Variants in TIFA observed in about 807,000 individuals in gnomAD.
TIFA encodes the protein TRAF interacting protein with forkhead associated domain, also known as TRAF-interacting protein with FHA domain-containing protein A.
For synonymous variants in TIFA, 75 were observed against 79.2 expected (o/e 0.95, Z 0.28); for missense variants, 186 against 215.2 (o/e 0.86, Z 0.85).
chr4:112,282,903 C>T lies in TIFA; in HGVS notation c.-19+2737G>A, dbSNP rs190467611. 6.2e-4 allele frequency among the ~76,000 whole-genome samples: 94 copies of T among 152,186 alleles called. 1 individual carries two copies. Among genetic ancestry groups the T allele is most frequent in the Middle Eastern group, 3.4e-3 (1 of 294 alleles). On this transcript the variant is annotated intron_variant, in intron 1 of 1. Transcript: ENST00000361717. ...GTGGATAAAGGCAGGACGTTTTGTG[C>T]CCCCTTCTCCAAGCTAGCTTAGGAA...
Position 112,277,681 on chromosome 4 carries a change from ACAGGTGACTAAG to A in TIFA, c.*169_*180del. ...TAATTTTGTGTAGATCCAGAATACA[ACAGGTGACTAAG>A]TTAATGACTAACACAATTTACAGAC... On this transcript the variant is annotated 3_prime_UTR_variant, in exon 2 of 2. Coordinates refer to ENST00000361717, the MANE Select transcript of TIFA (RefSeq NM_052864.3). 2.5e-6 allele frequency: 1 copy of A among 396,590 alleles called. No individual in the cohort carries two copies. The highest frequency in any genetic ancestry group is 4.2e-6 in the Non-Finnish European group (1 of 239,332). 24.6% of individuals were successfully genotyped at this position (396,590 alleles called of 1,614,324 possible). A position where few individuals can be genotyped will look rare whatever the true frequency, so the allele number is the denominator to read the frequency against.
rs139584576 is a variant in TIFA, at chr4:112,281,188, T to C, written c.-18-2754A>G. On this transcript the variant is annotated intron_variant, in intron 1 of 1. Coordinates refer to ENST00000361717, the MANE Select transcript of TIFA (RefSeq NM_052864.3). ...CAGCTTTATTTACAATATGCTGCCA[T>C]CAATTTAGTTCATTCTTGGACTTCA... is the stretch of plus-strand genomic sequence containing the variant. Among the ~76,000 whole-genome samples the C allele has an allele frequency of 2.9e-3, 442 of 152,354 alleles. 1 individual carries two copies. The highest frequency in any genetic ancestry group is 0.01 in the African/African-American group (424 of 41,574).
chr4:112,284,449 G>A (rs933899110), intron 1 of TIFA, among the ~76,000 whole-genome samples: 2 of 152,166 alleles, frequency 1.3e-5, no homozygotes, highest in Admixed American at 6.5e-5. Flanking sequence ...GGACCCAGAT[G>A]TCTAAGCAGT....
In TIFA at chr4:112,285,768, G is replaced by A. The variant is rs1018443409; in HGVS notation, c.-147C>T. 5 of 152,330 alleles carry A rather than the reference G, an allele frequency of 3.3e-5. No homozygotes were observed. The highest frequency in any genetic ancestry group is 2.0e-4 in the Admixed American group (3 of 15,296). 9.4% of individuals were successfully genotyped at this position (152,330 alleles called of 1,614,324 possible). A position where few individuals can be genotyped will look rare whatever the true frequency, so the allele number is the denominator to read the frequency against. On this transcript the variant is annotated 5_prime_UTR_variant, in exon 1 of 2. Coordinates refer to ENST00000361717, the MANE Select transcript of TIFA (RefSeq NM_052864.3). ...CCGCTGCTCCTCCGCGCGGGTAAGT[G>A]TGAGCCCCGGGGTGCGGGGAACCGA... is the stretch of plus-strand genomic sequence containing the variant.
chr4:112,283,393 A>G (rs1727261405), intron 1 of TIFA, among the ~76,000 whole-genome samples: 1 of 152,172 alleles, frequency 6.6e-6, no homozygotes, highest in African/African-American at 2.4e-5. Flanking sequence ...TATAAATGTT[A>G]GCATGGACCT....
Position 112,277,561 on chromosome 4 carries a change from A to T in TIFA, c.*301T>A. 1 of 200,716 alleles carries T rather than the reference A, an allele frequency of 5.0e-6. No individual in the cohort carries two copies. Among genetic ancestry groups the T allele is most frequent in the Non-Finnish European group, 1.0e-5 (1 of 99,054 alleles). 12.4% of individuals were successfully genotyped at this position (200,716 alleles called of 1,614,324 possible). A position where few individuals can be genotyped will look rare whatever the true frequency, so the allele number is the denominator to read the frequency against. On this transcript the variant is annotated 3_prime_UTR_variant, in exon 2 of 2. Coordinates refer to ENST00000361717, the MANE Select transcript of TIFA (RefSeq NM_052864.3). ...ACACAAGATGAAAATCAAGCAGAAAAAGAAAATAATATAACCTTATTTTGA... is the reference window on the plus strand; with the variant it reads ...ACACAAGATGAAAATCAAGCAGAAATAGAAAATAATATAACCTTATTTTGA...
rs772627267 is a variant in TIFA at position 112,278,342 on chromosome 4, C to T, written c.75G>A (p.Gln25=). Residue 25 remains glutamine (Q), a synonymous_variant, in exon 2 of 2, where the codon CAG becomes CAA. Transcript: ENST00000361717. ...CLQMTVYHPG[Q]LQCGIFQSIS... is the part of the protein sequence containing the mutation. ...TTGACTGAAATATTCCACACTGCAA[C>T]TGGCCAGGATGGTAAACCGTCATCT... The T allele has an allele frequency of 1.2e-6, 2 of 1,612,588 alleles. No homozygotes were observed. The highest frequency in any genetic ancestry group is 2.2e-5 in the South Asian group (2 of 90,774).
rs765477260 is a variant in TIFA, at chr4:112,278,308, TAA to T, written c.107_108del (p.Phe36Ter). 6.2e-7 allele frequency: 1 copy of T among 1,614,130 alleles called. No individual in the cohort carries two copies. The highest frequency in any genetic ancestry group is 1.1e-5 in the South Asian group (1 of 91,076). On this transcript the variant is annotated frameshift_variant, in exon 2 of 2. Transcript: ENST00000361717. LOFTEE classifies it low-confidence loss of function (END_TRUNC). Reference sequence around the variant, plus strand: ...TCGCTGGAAGGGAGTTTCTCTCTGTTAAAACTTATTGACTGAAATATTCCACA... The same window carrying T: ...TCGCTGGAAGGGAGTTTCTCTCTGTTAACTTATTGACTGAAATATTCCACA... ...LQCGIFQSIS[F>X]NREKLPSSEV...
At position 112,278,162 on chromosome 4, in the gene TIFA, A is replaced by C. The variant is rs1268346767; in HGVS notation, c.255T>G (p.Phe85Leu). The change falls in exon 2 of 2, where the codon TTT (phenylalanine) becomes TTG (leucine). Residue 85 changes from phenylalanine (F) to leucine (L), a missense_variant. Transcript: ENST00000361717. ...FKKFNSSVLS[F>L]EIKNMSKKTN... ...TCTTTTTACTCATATTTTTTATTTC[A>C]AAGGAGAGAACTGAGCTGTTGAATT... The C allele has an allele frequency of 6.2e-7, 1 of 1,613,916 alleles. No homozygotes were observed.
chr4:112,277,672 C>CGGTGGTAGCCGG lies in TIFA; in HGVS notation c.*189_*190insCCGGCTACCACC. On this transcript the variant is annotated 3_prime_UTR_variant, in exon 2 of 2. Coordinates refer to ENST00000361717, the MANE Select transcript of TIFA (RefSeq NM_052864.3). ...CAGTTAAAATAATTTTGTGTAGATC[C>CGGTGGTAGCCGG]AGAATACAACAGGTGACTAAGTTAA... 3.1e-6 allele frequency: 1 copy of CGGTGGTAGCCGG among 322,366 alleles called. No individual in the cohort carries two copies. 20.0% of individuals were successfully genotyped at this position (322,366 alleles called of 1,614,324 possible).
In TIFA at chr4:112,277,970, C is replaced by G. The variant is rs369015007; in HGVS notation, c.447G>C (p.Leu149Phe). The stretch of plus-strand genomic sequence containing the variant: ...TGTGTGGTGGCCAGTTGTTTTCTTG[C>G]AAGAGTGATCTTGGAGATAAAATAA... ...TQFILSPRSL[L>F]QENNWPPHRP... Residue 149 changes from leucine to phenylalanine, a missense_variant, in exon 2 of 2, where the codon TTG (leucine) becomes TTC (phenylalanine). By Grantham distance (22) the Leu-to-Phe change is conservative. Transcript: ENST00000361717. 5.6e-6 allele frequency: 9 copies of G among 1,613,850 alleles called. No homozygotes were observed. The African/African-American group carries it at 1.2e-4, about 22-fold the overall frequency.
intron 1 of TIFA, among the ~76,000 whole-genome samples, chr4:112,283,518 A>G (rs1727262722): frequency 6.6e-6 from 1 of 152,218 alleles, no homozygotes; most frequent in African/African-American, 2.4e-5. Context: ...CCCTCTACAA[A>G]GTGACCTGAA....
chr4:112,277,027 G>A lies in TIFA; in HGVS notation c.*835C>T, dbSNP rs539000440. On this transcript the variant is annotated 3_prime_UTR_variant, in exon 2 of 2. Coordinates refer to ENST00000361717, the MANE Select transcript of TIFA (RefSeq NM_052864.3). Reference sequence around the variant, plus strand: ...TAAACATTCACATACATTTATCTCTGTAAAGTGGCCCAAGAACAGTTATTT... The same window carrying A: ...TAAACATTCACATACATTTATCTCTATAAAGTGGCCCAAGAACAGTTATTT... 1 of 152,150 alleles carries A rather than the reference G, an allele frequency of 6.6e-6. No individual in the cohort carries two copies. Among genetic ancestry groups the A allele is most frequent in the Admixed American group, 6.5e-5 (1 of 15,278 alleles). The allele number at this position is 152,150 out of a possible 1,614,324, so 9.4% of individuals were successfully genotyped here. A position where few individuals can be genotyped will look rare whatever the true frequency, so the allele number is the denominator to read the frequency against.
In TIFA at chr4:112,278,224, C is replaced by A. The variant is rs1403237324; in HGVS notation, c.193G>T (p.Val65Phe). 5.0e-6 allele frequency: 8 copies of A among 1,613,376 alleles called. No homozygotes were observed. The highest frequency in any genetic ancestry group is 6.8e-6 in the Non-Finnish European group (8 of 1,179,812). Residue 65 changes from valine to phenylalanine, a missense_variant, in exon 2 of 2, where the codon GTT becomes TTT. Val to Phe is a conservative substitution (Grantham distance 50, BLOSUM62 -1). Coordinates refer to ENST00000361717, the MANE Select transcript of TIFA (RefSeq NM_052864.3). ...ICHYTFQDKQ[V>F]SRVQFSLQLF... is the part of the protein sequence containing the mutation. Reference sequence around the variant, plus strand: ...TGCAGAGAAAACTGAACTCGGGAAACCTGTTTGTCCTGAAAAGTATAATGA... The same window carrying A: ...TGCAGAGAAAACTGAACTCGGGAAAACTGTTTGTCCTGAAAAGTATAATGA...
intron 1 of TIFA, 144 bp from the exon 2 acceptor site, chr4:112,278,578 C>T (rs1274042308): frequency 1.6e-6 from 1 of 619,172 alleles, no homozygotes; most frequent in African/African-American, 1.9e-5. Flanking sequence ...TTTCAGTGAA[C>T]TAGTAGATAT....
At chr4:112,284,676 G>A (rs1560622287) in intron 1 of TIFA, among the ~76,000 whole-genome samples, 1 of 151,266 alleles carries the variant, frequency 6.6e-6, no homozygotes, top group African/African-American at 2.4e-5. Flanking sequence ...GTTGCAAGTA[G>A]GAAGTTTCAA....
Position 112,277,730 on chromosome 4 carries a change from AATAC to A in TIFA, c.*128_*131del. On this transcript the variant is annotated 3_prime_UTR_variant, in exon 2 of 2. Coordinates refer to ENST00000361717, the MANE Select transcript of TIFA (RefSeq NM_052864.3). ...CACAATTTACAGACTTCAAAATGAT[AATAC>A]TGAATTCCAAATTTCACAGCATAAC... is the stretch of plus-strand genomic sequence containing the variant. The A allele has an allele frequency of 9.4e-6, 2 of 212,818 alleles. No individual in the cohort carries two copies. The highest frequency in any genetic ancestry group is 6.5e-5 in the South Asian group (1 of 15,436). The allele number at this position is 212,818 out of a possible 1,614,324, so 13.2% of individuals were successfully genotyped here.
At chr4:112,282,239 A>G (rs561741457) in intron 1 of TIFA, among the ~76,000 whole-genome samples, 2 of 152,302 alleles carry the variant, frequency 1.3e-5, no homozygotes, top group Admixed American at 6.5e-5. Context: ...TTCCCCAGCC[A>G]TGTGGAACTG....
rs1379245974 is a variant in TIFA, at chr4:112,275,520, A to G, written c.*2342T>C. 1 of 152,172 alleles carries G rather than the reference A, an allele frequency of 6.6e-6. No individual in the cohort carries two copies. Among genetic ancestry groups the G allele is most frequent in the Non-Finnish European group, 1.5e-5 (1 of 68,042 alleles). 9.4% of individuals were successfully genotyped at this position (152,172 alleles called of 1,614,324 possible). On this transcript the variant is annotated 3_prime_UTR_variant, in exon 2 of 2. Coordinates refer to ENST00000361717, the MANE Select transcript of TIFA (RefSeq NM_052864.3). ...TTTCATTATTAAAGCGTTCATTATT[A>G]TTTACTACCGGAGTTGGGCTATGGA...
Sources: gnomAD v4.1 joint callset for allele counts (sites outside exome capture counted in the v4.1 genomes callset) on GRCh38, gnomAD v4.1.1 for gene constraint, MANE v1.5 for transcripts, NCBI Gene and HGNC (gene_info 2026-07-23, HGNC 2026-07-21) for gene names.